CHST11: variants seen among roughly 807,000 people sequenced by gnomAD.
The protein encoded by CHST11 is C4S-1.
A neutral mutation model predicts 30.4 loss-of-function variants in CHST11; 9 were observed. That is an observed-to-expected ratio of 0.30 (90% CI 0.18 to 0.52). The LOEUF is 0.52. Among genes scored for constraint, CHST11 ranks in the 20% least tolerant of loss-of-function variants. CHST11 has a pLI of 0.97. For synonymous variants in CHST11, 152 were observed against 187.8 expected (o/e 0.81, Z 1.56); for missense variants, 348 against 460.6 (o/e 0.76, Z 2.24).
At chr12:104,527,990 C>T (rs539857453) in intron 1 of CHST11, among the ~76,000 whole-genome samples, 14 of 152,326 alleles carry the variant, frequency 9.2e-5, no homozygotes, top group African/African-American at 2.6e-4. Context: ...CCCCATGATC[C>T]AGTCACCTCC....
intron 2 of CHST11, among the ~76,000 whole-genome samples, chr12:104,657,289 A>G (rs2039553752): frequency 6.6e-6 from 1 of 152,230 alleles, no homozygotes; most frequent in South Asian, 2.1e-4. Flanking sequence ...CCTTCACCCT[A>G]AATGACCACT....
chr12:104,507,918 G>A, intron 1 of CHST11, among the ~76,000 whole-genome samples: 1 of 152,142 alleles, frequency 6.6e-6, no homozygotes, highest in Non-Finnish European at 1.5e-5. Context: ...CTGGCAGACT[G>A]CACTTCCCAG....
chr12:104,564,248 C>T (rs566687078), intron 1 of CHST11, among the ~76,000 whole-genome samples: 1 of 152,320 alleles, frequency 6.6e-6, no homozygotes, highest in East Asian at 1.9e-4. Context: ...TGGGGCATTA[C>T]AGAAGCCCAG....
Position 104,485,652 on chromosome 12 carries a change from A to C in CHST11, c.118+28123A>C, listed in dbSNP as rs117556989. 5.5e-4 allele frequency among the ~76,000 whole-genome samples: 84 copies of C among 152,346 alleles called. 1 individual carries two copies. In the East Asian group the frequency reaches 6.9e-3, roughly 13 times the overall value. ...CTGCAGAAGGTAGACTGACTCGGGC[A>C]CTTCTCTATGTTCCCTGACATTGCC... On this transcript the variant is annotated intron_variant, in intron 1 of 2. Coordinates refer to ENST00000303694, the MANE Select transcript of CHST11 (RefSeq NM_018413.6).
At chr12:104,516,355 A>T (rs1475310496) in intron 1 of CHST11, among the ~76,000 whole-genome samples, 1 of 152,144 alleles carries the variant, frequency 6.6e-6, no homozygotes, top group Non-Finnish European at 1.5e-5. Context: ...TCCTGGTGAG[A>T]AGTATACGAT....
At chr12:104,519,068 TGAG>T (rs1184652246) in intron 1 of CHST11, among the ~76,000 whole-genome samples, 2 of 97,224 alleles carry the variant, frequency 2.1e-5, no homozygotes, top group Non-Finnish European at 4.0e-5. Flanking sequence ...CCTGGACTCT[TGAG>T]GTGTGTGTGT....
intron 1 of CHST11, among the ~76,000 whole-genome samples, chr12:104,518,498 G>A (rs560004113): frequency 9.8e-4 from 149 of 152,250 alleles, no homozygotes; most frequent in African/African-American, 3.3e-3. Flanking sequence ...AGGCAAATAC[G>A]ATGTCTGTGC....
intron 1 of CHST11, among the ~76,000 whole-genome samples, chr12:104,554,137 G>A (rs989017016): frequency 2.6e-5 from 4 of 152,172 alleles, no homozygotes; most frequent in Non-Finnish European, 5.9e-5. Context: ...GAAGCAATAT[G>A]TCCTCACCTT....
intron 2 of CHST11, among the ~76,000 whole-genome samples, chr12:104,708,505 G>A (rs929860202): frequency 6.6e-6 from 1 of 152,180 alleles, no homozygotes; most frequent in Non-Finnish European, 1.5e-5. Context: ...ATCCTGGTGA[G>A]GAGGAAACAA....
intron 2 of CHST11, among the ~76,000 whole-genome samples, chr12:104,603,029 C>T (rs2038971929): frequency 2.0e-5 from 3 of 152,138 alleles, no homozygotes; most frequent in Admixed American, 2.0e-4. Flanking sequence ...CATGCCCTGT[C>T]TTGAGGTGTG....
chr12:104,575,618 A>G (rs2038676786), intron 1 of CHST11, among the ~76,000 whole-genome samples: 1 of 152,070 alleles, frequency 6.6e-6, no homozygotes, highest in Admixed American at 6.5e-5. Flanking sequence ...GTTCTGAGTG[A>G]GCTGCTGAGT....
chr12:104,518,600 G>A (rs1462502153), intron 1 of CHST11, among the ~76,000 whole-genome samples: 1 of 152,132 alleles, frequency 6.6e-6, no homozygotes, highest in Non-Finnish European at 1.5e-5. Flanking sequence ...GCATATGGTG[G>A]CTTATGAGAA....
intron 2 of CHST11, among the ~76,000 whole-genome samples, chr12:104,727,145 A>G (rs933920915): frequency 6.6e-6 from 1 of 151,974 alleles, no homozygotes; most frequent in Admixed American, 6.6e-5. Context: ...GGCAAATTAC[A>G]TTATTAGAAC....
chr12:104,736,539 G>A (rs114285601), intron 2 of CHST11, among the ~76,000 whole-genome samples: 1,901 of 152,306 alleles, frequency 0.012, 48 homozygotes, highest in African/African-American at 0.044. Flanking sequence ...TGCCCTCCTG[G>A]ATTCTGGCCC....
At position 104,457,455 on chromosome 12, in the gene CHST11, G is replaced by T; in HGVS notation, c.44G>T (p.Cys15Phe). Residue 15 changes from cysteine (C) to phenylalanine (F), a missense_variant, in exon 1 of 3, where the codon TGC becomes TTC. Around this residue, in one of 3 missense-constraint regions of CHST11, gnomAD observed 135 missense variants for 155.8 expected, o/e 0.87. Coordinates refer to ENST00000303694, the MANE Select transcript of CHST11 (RefSeq NM_018413.6). ...GAAGTGATGAGGATGAACAGAATCT[G>T]CCGGATGGTGCTGGCCACTTGCTTG... ...LLEVMRMNRICRMVLATCLGS... is the reference protein window; with the variant it reads ...LLEVMRMNRIFRMVLATCLGS... The T allele has an allele frequency of 6.2e-7, 1 of 1,614,200 alleles. No individual in the cohort carries two copies. The highest frequency in any genetic ancestry group is 8.5e-7 in the Non-Finnish European group (1 of 1,179,986).
chr12:104,661,879 T>A (rs2039602058), intron 2 of CHST11, among the ~76,000 whole-genome samples: 1 of 152,178 alleles, frequency 6.6e-6, no homozygotes, highest in Admixed American at 6.5e-5. Flanking sequence ...TGTTTCCACC[T>A]CCTTGCTTTT....
chr12:104,656,876 C>T (rs768849169), intron 2 of CHST11, among the ~76,000 whole-genome samples: 6 of 152,208 alleles, frequency 3.9e-5, no homozygotes, highest in Non-Finnish European at 5.9e-5. Flanking sequence ...GTTAAGGCTA[C>T]AGAGGTGACA....
At chr12:104,637,355 A>G (rs1427899498) in intron 2 of CHST11, among the ~76,000 whole-genome samples, 99 of 63,948 alleles carry the variant, frequency 1.5e-3, no homozygotes, top group East Asian at 2.9e-3. Context: ...GGGAGGGGGG[A>G]GGGATAGCAT....
intron 2 of CHST11, among the ~76,000 whole-genome samples, chr12:104,695,093 C>T (rs2039932117): frequency 6.6e-6 from 1 of 152,200 alleles, no homozygotes; most frequent in South Asian, 2.1e-4. Flanking sequence ...CAGATCCTGG[C>T]ATCATCATTT....
Sources: gnomAD v4.1 joint callset for allele counts (sites outside exome capture counted in the v4.1 genomes callset) on GRCh38, gnomAD v4.1.1 for gene constraint, gnomAD v4.1.1 regional missense constraint, MANE v1.5 for transcripts, NCBI Gene and HGNC (gene_info 2026-07-23, HGNC 2026-07-21) for gene names.